SULF1: variants seen among roughly 807,000 people sequenced by gnomAD.
SULF1 encodes the protein extracellular sulfatase Sulf-1.
SULF1 carries 46 observed loss-of-function variants against 110.5 expected under a neutral mutation model. That is an observed-to-expected ratio of 0.42 (90% CI 0.33 to 0.53). SULF1 has a LOEUF of 0.53. Ranked by LOEUF, SULF1 falls within the 20% of genes least tolerant of loss-of-function variation. The pLI is 0.12. For synonymous variants in SULF1, 371 were observed against 387.1 expected (o/e 0.96, Z 0.49); for missense variants, 941 against 1,094.2 (o/e 0.86, Z 1.98).
intron 15 of SULF1, among the ~76,000 whole-genome samples, chr8:69,626,743 A>G (rs1432906609): frequency 1.3e-5 from 2 of 152,216 alleles, no homozygotes; most frequent in Non-Finnish European, 2.9e-5. Context: ...CCGGGGCCGC[A>G]AGGGCCGGCC....
chr8:69,475,974 G>A (rs1019629441), intron 1 of SULF1, among the ~76,000 whole-genome samples: 18 of 152,172 alleles, frequency 1.2e-4, no homozygotes, highest in South Asian at 4.2e-4. Flanking sequence ...GGGAAGTTAC[G>A]GATATTCGAG....
chr8:69,627,079 G>T, intron 15 of SULF1, 131 bp from the exon 16 acceptor site: 1 of 666,470 alleles, frequency 1.5e-6, no homozygotes, highest in South Asian at 1.8e-5. Flanking sequence ...TGCTGGTCTT[G>T]GATCAGCTCA....
chr8:69,598,397 G>A (rs1344441102), intron 8 of SULF1, among the ~76,000 whole-genome samples: 4 of 152,060 alleles, frequency 2.6e-5, no homozygotes, highest in Non-Finnish European at 5.9e-5. Context: ...TTTGTTGTTA[G>A]TGGTGGTTTT....
intron 15 of SULF1, among the ~76,000 whole-genome samples, chr8:69,626,610 A>C (rs933190431): frequency 5.9e-5 from 9 of 152,236 alleles, no homozygotes; most frequent in Admixed American, 1.3e-4. Flanking sequence ...GGCGGGCTGC[A>C]GTCCCGAGGC....
intron 1 of SULF1, among the ~76,000 whole-genome samples, chr8:69,471,976 G>A (rs77050433): frequency 0.024 from 3,599 of 150,076 alleles, 130 homozygotes; most frequent in African/African-American, 0.083. Context: ...AGGAAAGGAG[G>A]GAGAGAGCAA....
intron 22 of SULF1, among the ~76,000 whole-genome samples, chr8:69,648,982 T>A (rs990354133): frequency 6.6e-6 from 1 of 152,226 alleles, no homozygotes; most frequent in Non-Finnish European, 1.5e-5. Flanking sequence ...GGAATAATTA[T>A]CTGTAATGTG....
At chr8:69,504,177 T>C (rs968829798) in intron 3 of SULF1, among the ~76,000 whole-genome samples, 3 of 152,220 alleles carry the variant, frequency 2.0e-5, no homozygotes, top group Admixed American at 2.0e-4. Flanking sequence ...CCCCCTAATG[T>C]GTGATTTCAC....
chr8:69,625,319 T>G (rs1291446000), intron 15 of SULF1, among the ~76,000 whole-genome samples: 1 of 152,224 alleles, frequency 6.6e-6, no homozygotes, highest in Non-Finnish European at 1.5e-5. Context: ...GTAGGGATGA[T>G]CTTAGTCACA....
chr8:69,622,293 A>C (rs1320197681), intron 14 of SULF1, among the ~76,000 whole-genome samples: 4 of 152,176 alleles, frequency 2.6e-5, no homozygotes, highest in Admixed American at 6.5e-5. Context: ...CTGAAAATCA[A>C]TAAGGCCAGG....
intron 15 of SULF1, among the ~76,000 whole-genome samples, chr8:69,626,860 A>G (rs956808833): frequency 3.3e-5 from 5 of 151,870 alleles, no homozygotes; most frequent in Admixed American, 3.3e-4. Context: ...CTCCCTCCAC[A>G]CCTCCCTGCA....
chr8:69,608,165 T>C (rs768136874), intron 13 of SULF1, among the ~76,000 whole-genome samples: 1 of 152,230 alleles, frequency 6.6e-6, no homozygotes, highest in Non-Finnish European at 1.5e-5. Flanking sequence ...CACTTTCTAG[T>C]TGTGTCTTCT....
chr8:69,640,697 C>A (rs1210892927), intron 21 of SULF1, 111 bp from the exon 22 acceptor site: 4 of 859,490 alleles, frequency 4.7e-6, no homozygotes, highest in Non-Finnish European at 7.1e-6. Flanking sequence ...CTGTATTTAA[C>A]ACCATGTGTT....
intron 3 of SULF1, among the ~76,000 whole-genome samples, chr8:69,552,230 G>A (rs1024496221): frequency 1.5e-4 from 23 of 152,294 alleles, no homozygotes; most frequent in African/African-American, 5.3e-4. Flanking sequence ...TTATTTAAGG[G>A]TTGTCCTTCT....
In SULF1 at chr8:69,495,240, G is replaced by A. The variant is rs1441168171; in HGVS notation, c.-390-525G>A. Among the ~76,000 whole-genome samples the A allele has an allele frequency of 2.0e-5, 3 of 152,076 alleles. No individual in the cohort carries two copies. The East Asian group carries it at 5.8e-4, about 29-fold the overall frequency. On this transcript the variant is annotated intron_variant, in intron 1 of 22. Transcript: ENST00000402687. ...TTTTTTAAGCATAAAATTATCATCT[G>A]GATGTGGTGGCATGTGTCTGTAGTC...
At chr8:69,484,896 G>C (rs1220400296) in intron 1 of SULF1, among the ~76,000 whole-genome samples, 2 of 146,764 alleles carry the variant, frequency 1.4e-5, no homozygotes, top group East Asian at 3.9e-4. Context: ...CGAGACAGGA[G>C]TCACACCATG....
chr8:69,543,057 G>C (rs989869519), intron 3 of SULF1, among the ~76,000 whole-genome samples: 1 of 152,030 alleles, frequency 6.6e-6, no homozygotes, highest in African/African-American at 2.4e-5. Context: ...ATGAGTCTGT[G>C]GTTCTGTGAG....
chr8:69,635,767 G>A (rs781209243), intron 19 of SULF1, among the ~76,000 whole-genome samples: 3 of 152,108 alleles, frequency 2.0e-5, no homozygotes, highest in Non-Finnish European at 2.9e-5. Flanking sequence ...CACCACAGGC[G>A]GCTGAACTGA....
At chr8:69,578,891 C>T (rs1297502603) in intron 6 of SULF1, among the ~76,000 whole-genome samples, 4 of 152,044 alleles carry the variant, frequency 2.6e-5, no homozygotes, top group Admixed American at 2.0e-4. Flanking sequence ...GGGCTGGGTG[C>T]GGTGGCTCAC....
chr8:69,605,403 G>A (rs1483750967), intron 13 of SULF1, among the ~76,000 whole-genome samples: 2 of 152,174 alleles, frequency 1.3e-5, no homozygotes, highest in Admixed American at 6.5e-5. Context: ...CTTGAGGAAT[G>A]AGAAGAGAAA....
Sources: allele counts gnomAD v4.1 joint callset (sites outside exome capture counted in the v4.1 genomes callset), GRCh38; gene constraint gnomAD v4.1.1; transcripts MANE v1.5; gene names NCBI Gene and HGNC (gene_info 2026-07-23, HGNC 2026-07-21).